Variants in DET1 observed in about 807,000 individuals in gnomAD.
DET1 encodes DET1 homolog.
A neutral mutation model predicts 43.7 loss-of-function variants in DET1; 22 were observed. The ratio of observed to expected loss-of-function variants is 0.50; its 90% CI spans 0.36 to 0.72. The LOEUF (loss-of-function observed/expected upper bound fraction) is 0.72, where lower values mean the gene tolerates loss of function less well. DET1 is among the 30% of genes least tolerant of loss of function. The pLI is 0.00. For missense variants in DET1, 713 were observed against 713.3 expected, an observed-to-expected ratio of 1.00 and a Z score of 0.00; for synonymous variants, 315 against 266.2, an observed-to-expected ratio of 1.18 and a Z score of -1.79.
At position 88,504,747 on chromosome 15, in the gene DET1, C is replaced by A. The variant is rs2056122188; in HGVS notation, c.*2066-760G>T. 2 of 152,162 alleles carry A rather than the reference C, an allele frequency of 1.3e-5. No homozygotes were observed. Among genetic ancestry groups the A allele is most frequent in the Admixed American group, 6.5e-5 (1 of 15,280 alleles). 9.4% of individuals were successfully genotyped at this position (152,162 alleles called of 1,614,324 possible). ...GGGATAGCACCTAGACCCCAGGGCCCATCAAAATTCAAATTAGTCAATCCC... is the reference window on the plus strand; with the variant it reads ...GGGATAGCACCTAGACCCCAGGGCCAATCAAAATTCAAATTAGTCAATCCC... On this transcript the variant is annotated intron_variant and NMD_transcript_variant, in intron 7 of 8. Coordinates refer to the DET1 transcript ENST00000557842. The surrounding 1 kb of genome is among the most constrained non-coding windows in gnomAD (Gnocchi z 4.7).
At chr15:88,511,455 G>T (rs2056200374), downstream of DET1, 1 of 985,278 alleles carries the variant, frequency 1.0e-6, no homozygotes, top group Non-Finnish European at 1.2e-6. Flanking sequence ...CCATGCCTTT[G>T]TATATGCTGG....
chr15:88,536,223 C>A, intron 1 of DET1: 1 of 692,956 alleles, frequency 1.4e-6, no homozygotes, highest in Non-Finnish European at 2.7e-6. Flanking sequence ...GAAATCTTCC[C>A]CAGGCACCTT....
chr15:88,512,338 T>G, downstream of DET1: 1 of 985,450 alleles, frequency 1.0e-6, no homozygotes. Flanking sequence ...CTGTCTTCCC[T>G]GTTGGCACTT....
intron 1 of DET1, among the ~76,000 whole-genome samples, chr15:88,543,050 GGA>G (rs1266072727): frequency 6.6e-6 from 1 of 152,160 alleles, no homozygotes; most frequent in African/African-American, 2.4e-5. Context: ...CCATTGATTT[GGA>G]CAGACACCGA....
At chr15:88,523,043 C>T (rs1233182649) in intron 3 of DET1, among the ~76,000 whole-genome samples, 1 of 151,878 alleles carries the variant, frequency 6.6e-6, no homozygotes, top group African/African-American at 2.4e-5. Flanking sequence ...CCACCACACC[C>T]AGCTAATTTT....
chr15:88,530,657 T>C lies in DET1; in HGVS notation c.1049A>G (p.Asp350Gly). 6.2e-7 allele frequency: 1 copy of C among 1,612,872 alleles called. No homozygotes were observed. Among genetic ancestry groups the C allele is most frequent in the Non-Finnish European group, 8.5e-7 (1 of 1,179,256 alleles). ...NHLFIKYTSE[D>G]VVTLRVTDPS... ...ATCTGTGACTCGCAGTGTTACTACA[T>C]CCTCACTAGTGTACTTGATAAACAG... is the stretch of plus-strand genomic sequence containing the variant. The change falls in exon 2 of 5, where the codon GAT (aspartate) becomes GGT (glycine). Residue 350 changes from aspartate (D) to glycine (G), a missense_variant. Physicochemically the swap from Asp to Gly is moderately conservative, Grantham distance 94. Coordinates refer to ENST00000268148, the MANE Select transcript of DET1 (RefSeq NM_001144074.3).
intron 1 of DET1, among the ~76,000 whole-genome samples, chr15:88,533,599 C>G (rs2056872843): frequency 6.6e-6 from 1 of 152,048 alleles, no homozygotes; most frequent in South Asian, 2.1e-4. Flanking sequence ...TATTACTCGG[C>G]CTTCAAAAGG....
chr15:88,532,528 G>T (rs756087468), intron 1 of DET1, among the ~76,000 whole-genome samples: 5 of 152,042 alleles, frequency 3.3e-5, no homozygotes, highest in Non-Finnish European at 7.4e-5. Flanking sequence ...AGAACAAAGA[G>T]GATTCAAGCC....
At chr15:88,545,170 CT>C (rs1216320424) in intron 1 of DET1, among the ~76,000 whole-genome samples, 2 of 151,114 alleles carry the variant, frequency 1.3e-5, no homozygotes, top group African/African-American at 2.4e-5. Flanking sequence ...AAATTATGTA[CT>C]AAAAAAAAAA....
intron 7 of DET1, among the ~76,000 whole-genome samples, chr15:88,507,369 G>A (rs760334839): frequency 2.0e-5 from 3 of 152,068 alleles, no homozygotes; most frequent in Non-Finnish European, 4.4e-5. Context: ...CCCCACTAAC[G>A]GGTCTTTCCT....
chr15:88,522,570 G>A (rs946117421), intron 3 of DET1, among the ~76,000 whole-genome samples: 8 of 136,588 alleles, frequency 5.9e-5, no homozygotes, highest in Admixed American at 3.2e-4. Flanking sequence ...GTGCAGTGGC[G>A]CAAATTCGGC....
intron 4 of DET1, among the ~76,000 whole-genome samples, chr15:88,515,595 G>GAACC: frequency 8.2e-6 from 1 of 121,518 alleles, no homozygotes. Flanking sequence ...TGCAATGCAT[G>GAACC]AACCTTGTTT....
chr15:88,514,899 T>A (rs2056298692), intron 4 of DET1, among the ~76,000 whole-genome samples: 2 of 152,182 alleles, frequency 1.3e-5, no homozygotes, highest in South Asian at 4.1e-4. Context: ...TTTAGATTCA[T>A]CTTCTCCAAT....
chr15:88,533,698 T>G (rs1193281137), intron 1 of DET1, among the ~76,000 whole-genome samples: 1 of 152,004 alleles, frequency 6.6e-6, no homozygotes, highest in Admixed American at 6.6e-5. Context: ...AAATACTGTA[T>G]GATTCCACTT....
intron 3 of DET1, among the ~76,000 whole-genome samples, chr15:88,527,103 G>T (rs1183813431): frequency 6.6e-6 from 1 of 152,100 alleles, no homozygotes; most frequent in Non-Finnish European, 1.5e-5. Flanking sequence ...TTGTTAATAT[G>T]TCCTATCTCC....
intron 4 of DET1, 81 bp from the exon 5 acceptor site, chr15:88,513,221 G>A (rs1477391764): frequency 6.5e-6 from 9 of 1,388,068 alleles, no homozygotes; most frequent in Non-Finnish European, 7.7e-6. Flanking sequence ...GACAGCAGGG[G>A]AATGTGGCAA....
At chr15:88,525,827 ATTTTTTT>A (rs10658727) in intron 3 of DET1, among the ~76,000 whole-genome samples, 1 of 90,698 alleles carries the variant, frequency 1.1e-5, no homozygotes, top group African/African-American at 4.4e-5. Flanking sequence ...ACACTCGGCT[ATTTTTTT>A]TTTTTTTTTT....
rs1383728017 is a variant in DET1 at position 88,527,684 on chromosome 15, G to A, written c.1186C>T (p.Leu396Phe). ...CTGTGCAGGGTAGCATTACGAAAAA[G>A]GTCACAGAAGTTCTCAAAGAGCTCC... is the stretch of plus-strand genomic sequence containing the variant. ...LLELFENFCDLFRNATLHSEV... is the reference protein window; with the variant it reads ...LLELFENFCDFFRNATLHSEV... The change falls in exon 3 of 5, where the codon CTT (leucine) becomes TTT (phenylalanine). Residue 396 changes from leucine (L) to phenylalanine (F), a missense_variant. Leu to Phe is a conservative substitution (Grantham distance 22). Coordinates refer to ENST00000268148, the MANE Select transcript of DET1 (RefSeq NM_001144074.3). 1.3e-5 allele frequency: 21 copies of A among 1,613,676 alleles called. No homozygotes were observed. The highest frequency in any genetic ancestry group is 1.7e-5 in the Non-Finnish European group (20 of 1,179,840).
At chr15:88,508,910 C>G (rs1367758586), downstream of DET1, among the ~76,000 whole-genome samples, 4 of 152,104 alleles carry the variant, frequency 2.6e-5, no homozygotes, top group African/African-American at 7.2e-5. Context: ...AAATATGATG[C>G]AAGATAGATA....
Sources: allele counts gnomAD v4.1 joint callset (sites outside exome capture counted in the v4.1 genomes callset), GRCh38; gene constraint gnomAD v4.1.1; non-coding constraint Gnocchi (gnomAD v3.1); transcripts MANE v1.5; gene names NCBI Gene and HGNC (gene_info 2026-07-23, HGNC 2026-07-21).